Variants in ADGB observed in about 807,000 individuals in gnomAD.
ADGB encodes calpain-7-like protein.
Under a neutral mutation model 210.5 loss-of-function variants are expected in ADGB, and 172 were observed. The observed-to-expected ratio is 0.82, with a 90% CI of 0.72 to 0.93. The LOEUF is 0.93. Ranked by LOEUF, ADGB falls within the 40% of genes least tolerant of loss-of-function variation. ADGB has a pLI of 0.00. For missense variants in ADGB, 2,025 were observed against 1,964.8 expected (o/e 1.03, Z -0.58); for synonymous variants, 658 against 662.7 (o/e 0.99, Z 0.11).
intron 13 of ADGB, among the ~76,000 whole-genome samples, chr6:146,703,423 C>T (rs1391643232): frequency 3.3e-5 from 5 of 151,732 alleles, no homozygotes; most frequent in Non-Finnish European, 7.4e-5. Context: ...TTCAAGAATA[C>T]ATTAACTATA....
intron 14 of ADGB, among the ~76,000 whole-genome samples, chr6:146,716,562 C>A (rs1190957485): frequency 1.5e-5 from 2 of 129,736 alleles, no homozygotes; most frequent in Non-Finnish European, 3.1e-5. Flanking sequence ...CACTGCAGTC[C>A]GCAGTCCCAC....
chr6:146,686,911 T>C (rs1255561773), intron 10 of ADGB, among the ~76,000 whole-genome samples: 1 of 152,146 alleles, frequency 6.6e-6, no homozygotes, highest in African/African-American at 2.4e-5. Flanking sequence ...GCTTGAAACA[T>C]AAATATTCCA....
intron 1 of ADGB, among the ~76,000 whole-genome samples, chr6:146,600,756 A>G (rs1780542895): frequency 6.6e-6 from 1 of 151,426 alleles, no homozygotes; most frequent in Admixed American, 6.6e-5. Flanking sequence ...TAGGGAAGGC[A>G]GGGATTTTCC....
chr6:146,777,991 C>G (rs374150445), intron 29 of ADGB, among the ~76,000 whole-genome samples: 15 of 152,244 alleles, frequency 9.9e-5, no homozygotes, highest in African/African-American at 3.4e-4. Flanking sequence ...ATAAGCACAC[C>G]ATTAGCAGCC....
intron 1 of ADGB, among the ~76,000 whole-genome samples, chr6:146,626,848 A>G (rs1044209789): frequency 2.7e-5 from 4 of 150,798 alleles, no homozygotes; most frequent in African/African-American, 9.8e-5. Flanking sequence ...TTCAAGTAGT[A>G]TTTTCTGTCT....
At chr6:146,776,487 C>T (rs964890554) in intron 29 of ADGB, among the ~76,000 whole-genome samples, 3 of 151,840 alleles carry the variant, frequency 2.0e-5, no homozygotes, top group African/African-American at 4.8e-5. Context: ...CCCTAAATTA[C>T]GCCATTAAAA....
At chr6:146,623,542 G>T (rs1780926369) in intron 1 of ADGB, among the ~76,000 whole-genome samples, 1 of 151,660 alleles carries the variant, frequency 6.6e-6, no homozygotes, top group South Asian at 2.1e-4. Context: ...ATATTACCTT[G>T]TATCCTGAAA....
At chr6:146,738,934 G>A (rs1291264291) in intron 23 of ADGB, among the ~76,000 whole-genome samples, 2 of 152,076 alleles carry the variant, frequency 1.3e-5, no homozygotes, top group African/African-American at 2.4e-5. Flanking sequence ...CCCTATGAGG[G>A]CATCGTATCA....
In ADGB at chr6:146,788,536, C is replaced by T. The variant is rs536706312; in HGVS notation, c.4463C>T (p.Thr1488Met). The T allele has an allele frequency of 3.9e-5, 61 of 1,551,456 alleles. No homozygotes were observed. The highest frequency in any genetic ancestry group is 3.1e-4 in the South Asian group (26 of 84,062). ...TKGLRDVAKS[T>M]SSESGGVSSP... ...GGCTTGAGGGATGTGGCAAAATCCA[C>T]GAGTAGCGAAAGTGGAGGAGTGTCT... Residue 1488 changes from threonine to methionine, a missense_variant, in exon 33 of 36, where the codon ACG becomes ATG. Transcript: ENST00000397944.
At chr6:146,790,506 G>T (rs376175831) in intron 33 of ADGB, among the ~76,000 whole-genome samples, 50 of 152,170 alleles carry the variant, frequency 3.3e-4, no homozygotes, top group African/African-American at 1.1e-3. Flanking sequence ...TCCATAATGT[G>T]GCAAATGACA....
At chr6:146,658,845 A>T (rs1341772980) in intron 5 of ADGB, among the ~76,000 whole-genome samples, 1 of 152,124 alleles carries the variant, frequency 6.6e-6, no homozygotes, top group East Asian at 1.9e-4. Context: ...CCTCAGCTCC[A>T]CTGGCTCCCT....
rs757813302 is a variant in ADGB at position 146,764,058 on chromosome 6, C to G, written c.3708C>G (p.Thr1236=). The G allele has an allele frequency of 6.4e-7, 1 of 1,551,282 alleles. No homozygotes were observed. Among genetic ancestry groups the G allele is most frequent in the Admixed American group, 2.0e-5 (1 of 50,966 alleles). ...TACCCCTTGTGGAGGAGGAAACTAC[C>G]AGTACACCCACTAGAGAAGACAGTT... ...IGLPLVEEET[T]STPTREDSSS... is the part of the protein sequence containing the mutation. The change falls in exon 28 of 36, where the codon ACC becomes ACG. Residue 1236 remains threonine, a synonymous_variant. Transcript: ENST00000397944.
rs368688593 is a variant in ADGB, at chr6:146,638,173, G to T, written c.237+2636G>T. ...CTCAATAGATGCAGAAAGGACTTTT[G>T]ATAAAATTCAATACCCCTTGATGTT... On this transcript the variant is annotated intron_variant, in intron 2 of 35. Coordinates refer to ENST00000397944, the MANE Select transcript of ADGB (RefSeq NM_024694.4). Among the ~76,000 whole-genome samples the T allele has an allele frequency of 4.6e-5, 7 of 151,238 alleles. No homozygotes were observed. The East Asian group carries it at 1.4e-3, about 29-fold the overall frequency.
chr6:146,765,405 C>T (rs913675555), intron 28 of ADGB, among the ~76,000 whole-genome samples: 1 of 151,528 alleles, frequency 6.6e-6, no homozygotes, highest in African/African-American at 2.4e-5. Flanking sequence ...ACACTTTACC[C>T]AATAAACAGA....
chr6:146,812,099 A>G (rs900922146), intron 35 of ADGB, among the ~76,000 whole-genome samples: 1 of 152,198 alleles, frequency 6.6e-6, no homozygotes, highest in Non-Finnish European at 1.5e-5. Flanking sequence ...TCTTCTGATC[A>G]AAGCATACTT....
At chr6:146,794,026 G>A (rs903748326) in intron 33 of ADGB, among the ~76,000 whole-genome samples, 11 of 152,174 alleles carry the variant, frequency 7.2e-5, no homozygotes, top group Admixed American at 2.0e-4. Context: ...TGGCTATTCC[G>A]GTTCCTGTAG....
At chr6:146,783,692 T>G (rs955241372) in intron 30 of ADGB, among the ~76,000 whole-genome samples, 2 of 152,148 alleles carry the variant, frequency 1.3e-5, no homozygotes, top group Non-Finnish European at 2.9e-5. Flanking sequence ...AGTGATTATA[T>G]CAATCCACTC....
intron 1 of ADGB, among the ~76,000 whole-genome samples, chr6:146,624,865 A>G (rs747082210): frequency 6.6e-6 from 1 of 151,916 alleles, no homozygotes; most frequent in Non-Finnish European, 1.5e-5. Flanking sequence ...TTATATTTCA[A>G]ATATCTTAGA....
chr6:146,797,331 G>A (rs1345224650), intron 33 of ADGB, among the ~76,000 whole-genome samples: 1 of 152,128 alleles, frequency 6.6e-6, no homozygotes, highest in African/African-American at 2.4e-5. Context: ...ATTTGATCCA[G>A]CAATCCCACT....
Sources: gnomAD v4.1 joint callset for allele counts (sites outside exome capture counted in the v4.1 genomes callset) on GRCh38, gnomAD v4.1.1 for gene constraint, MANE v1.5 for transcripts, NCBI Gene and HGNC (gene_info 2026-07-23, HGNC 2026-07-21) for gene names.